Variants in TRPM7 observed in about 807,000 individuals in gnomAD.
TRPM7 encodes the protein LTRPC ion channel family member 7.
TRPM7 carries 134 observed loss-of-function variants against 229.7 expected under a neutral mutation model. That is an observed-to-expected ratio of 0.58 (90% CI 0.51 to 0.67). The LOEUF (loss-of-function observed/expected upper bound fraction) is 0.67, where lower values mean the gene tolerates loss of function less well. Among genes scored for constraint, TRPM7 ranks in the 30% least tolerant of loss-of-function variants. The pLI is 0.00. For missense variants in TRPM7, 1,901 were observed against 2,210.0 expected (o/e 0.86, Z 2.80); for synonymous variants, 699 against 715.2 (o/e 0.98, Z 0.36).
intron 1 of TRPM7, among the ~76,000 whole-genome samples, chr15:50,676,336 T>C (rs1465518885): frequency 6.6e-6 from 1 of 152,138 alleles, no homozygotes; most frequent in Non-Finnish European, 1.5e-5. Context: ...TATGATTATA[T>C]ATATTAAAAT....
intron 6 of TRPM7, among the ~76,000 whole-genome samples, chr15:50,638,705 A>ATGTATGTATGTATGTATGT (rs1567060080): frequency 1.5e-4 from 9 of 61,418 alleles, no homozygotes; most frequent in Non-Finnish European, 2.7e-4. Context: ...TGTATGTATG[A>ATGTATGTATGTATGTATGT]GATGGAGTTT....
At chr15:50,661,902 T>C (rs2061733865) in intron 2 of TRPM7, among the ~76,000 whole-genome samples, 1 of 152,210 alleles carries the variant, frequency 6.6e-6, no homozygotes, top group South Asian at 2.1e-4. Flanking sequence ...CTTAAGTTTT[T>C]TTCTATCTTT....
In TRPM7 at chr15:50,648,898, G is replaced by T; in HGVS notation, c.123-13C>A. 9 of 1,583,612 alleles carry T rather than the reference G, an allele frequency of 5.7e-6. No homozygotes were observed. Among genetic ancestry groups the T allele is most frequent in the Non-Finnish European group, 7.7e-6 (9 of 1,163,680 alleles). On this transcript the variant is annotated splice_polypyrimidine_tract_variant and intron_variant, in intron 3 of 38. Transcript: ENST00000646667. ...ACCACAAAAACACCTAAAAGAAAAA[G>T]GTGAGATTAAAACACCCTTCAAAAA...
At chr15:50,637,747 G>T (rs1028969012) in intron 6 of TRPM7, among the ~76,000 whole-genome samples, 154 bp from the exon 7 acceptor site, 1 of 152,180 alleles carries the variant, frequency 6.6e-6, no homozygotes, top group Non-Finnish European at 1.5e-5. Flanking sequence ...TTCAAAAAGC[G>T]TAAGCTTTTA....
At chr15:50,637,380 C>T (rs778683769) in intron 7 of TRPM7, 42 bp downstream of exon 7, 1 of 1,585,318 alleles carries the variant, frequency 6.3e-7, no homozygotes, top group South Asian at 1.2e-5. Context: ...TTAGTACAGC[C>T]CAGGACAATT....
At chr15:50,627,316 T>C (rs960596179) in intron 11 of TRPM7, among the ~76,000 whole-genome samples, 11 of 152,058 alleles carry the variant, frequency 7.2e-5, no homozygotes, top group African/African-American at 2.7e-4. Context: ...TTTAGGGGGA[T>C]GCTATTAAAA....
chr15:50,650,427 G>C (rs1241461203), intron 3 of TRPM7, among the ~76,000 whole-genome samples: 2 of 151,836 alleles, frequency 1.3e-5, no homozygotes, highest in Non-Finnish European at 2.9e-5. Context: ...AGGCACGGTG[G>C]CTCATGCCTA....
intron 3 of TRPM7, among the ~76,000 whole-genome samples, chr15:50,653,096 A>T (rs2061468953): frequency 6.6e-6 from 1 of 152,152 alleles, no homozygotes; most frequent in African/African-American, 2.4e-5. Flanking sequence ...GTCTGCAGTG[A>T]CTGTGACACT....
intron 1 of TRPM7, among the ~76,000 whole-genome samples, 168 bp from the exon 2 acceptor site, chr15:50,663,214 C>T (rs1567109003): frequency 6.6e-6 from 1 of 152,060 alleles, no homozygotes; most frequent in African/African-American, 2.4e-5. Flanking sequence ...CCACAACCTC[C>T]GCCTCCCGGG....
intron 21 of TRPM7, among the ~76,000 whole-genome samples, chr15:50,601,768 G>A (rs2140417546): frequency 6.6e-6 from 1 of 152,070 alleles, no homozygotes; most frequent in African/African-American, 2.4e-5. Flanking sequence ...AGATGTATTA[G>A]GTTGATGCAA....
chr15:50,568,403 T>TA (rs1452660167), intron 38 of TRPM7, among the ~76,000 whole-genome samples: 4 of 151,798 alleles, frequency 2.6e-5, no homozygotes, highest in East Asian at 3.8e-4. Flanking sequence ...AAAAAGCTCC[T>TA]AAAAAAGAGT....
At chr15:50,614,367 T>A (rs2060153415) in intron 13 of TRPM7, 104 bp from the exon 14 acceptor site, 1 of 1,128,858 alleles carries the variant, frequency 8.9e-7, no homozygotes, top group African/African-American at 1.6e-5. Flanking sequence ...AATGTTTACT[T>A]CTTATAAGAA....
chr15:50,591,340 T>G (rs2059487220), intron 26 of TRPM7, among the ~76,000 whole-genome samples: 1 of 152,182 alleles, frequency 6.6e-6, no homozygotes, highest in Admixed American at 6.5e-5. Context: ...TCCAAGTACT[T>G]AAGAATCACT....
chr15:50,637,981 C>A lies in TRPM7; in HGVS notation c.661-388G>T, dbSNP rs145239897. On this transcript the variant is annotated intron_variant, in intron 6 of 38. Coordinates refer to ENST00000646667, the MANE Select transcript of TRPM7 (RefSeq NM_017672.6). ...CATGTGATCCCGTCACTTTGGGAGGCCGAGGCGAGTGGATTACCTGAGGTC... is the reference window on the plus strand; with the variant it reads ...CATGTGATCCCGTCACTTTGGGAGGACGAGGCGAGTGGATTACCTGAGGTC... 2.6e-3 allele frequency among the ~76,000 whole-genome samples: 400 copies of A among 152,304 alleles called. 1 individual carries two copies. Among genetic ancestry groups the A allele is most frequent in the African/African-American group, 9.2e-3 (384 of 41,568 alleles).
chr15:50,575,257 T>A, intron 33 of TRPM7, 122 bp from the exon 34 acceptor site: 1 of 753,130 alleles, frequency 1.3e-6, no homozygotes, highest in Non-Finnish European at 2.0e-6. Context: ...CAAGATGTAG[T>A]TTTATACAAA....
intron 1 of TRPM7, among the ~76,000 whole-genome samples, chr15:50,664,805 T>G (rs2061838490): frequency 6.6e-6 from 1 of 151,864 alleles, no homozygotes; most frequent in Admixed American, 6.6e-5. Context: ...ACAAAAAAAT[T>G]AAACAGTCAG....
At chr15:50,577,855 A>C (rs1300469095) in intron 31 of TRPM7, among the ~76,000 whole-genome samples, 2 of 152,252 alleles carry the variant, frequency 1.3e-5, no homozygotes, top group African/African-American at 2.4e-5. Context: ...ATATATTTAC[A>C]TAAGAAAATT....
Position 50,648,901 on chromosome 15 carries a change from G to A in TRPM7, c.123-16C>T, listed in dbSNP as rs767126527. The A allele has an allele frequency of 1.9e-6, 3 of 1,568,026 alleles. No individual in the cohort carries two copies. Among genetic ancestry groups the A allele is most frequent in the Admixed American group, 1.9e-5 (1 of 53,956 alleles). On this transcript the variant is annotated splice_polypyrimidine_tract_variant and intron_variant, in intron 3 of 38. Coordinates refer to ENST00000646667, the MANE Select transcript of TRPM7 (RefSeq NM_017672.6). ...ACAAAAACACCTAAAAGAAAAAGGT[G>A]AGATTAAAACACCCTTCAAAAAATT...
intron 2 of TRPM7, among the ~76,000 whole-genome samples, chr15:50,661,881 T>A (rs921649744): frequency 6.6e-6 from 1 of 152,194 alleles, no homozygotes; most frequent in Non-Finnish European, 1.5e-5. Flanking sequence ...AATAACTATA[T>A]CTTAGATTTC....
Sources: allele counts gnomAD v4.1 joint callset (sites outside exome capture counted in the v4.1 genomes callset), GRCh38; gene constraint gnomAD v4.1.1; transcripts MANE v1.5; gene names NCBI Gene and HGNC (gene_info 2026-07-23, HGNC 2026-07-21).